The following P3H2 variants were observed in gnomAD, a reference collection of about 807,000 sequenced individuals.
P3H2 encodes leprecan-like 1.
P3H2 carries 80 observed loss-of-function variants against 87.0 expected under a neutral mutation model. The observed-to-expected ratio is 0.92, with a 90% CI of 0.77 to 1.11. P3H2 has a LOEUF of 1.11. Among genes scored for constraint, P3H2 ranks in the 50% least tolerant of loss-of-function variants. The pLI is 0.00. For synonymous variants in P3H2, 367 were observed against 359.3 expected, an observed-to-expected ratio of 1.02 and a Z score of -0.24; for missense variants, 1,001 against 923.9, an observed-to-expected ratio of 1.08 and a Z score of -1.08.
chr3:190,067,441 C>T (rs995933771), intron 1 of P3H2, among the ~76,000 whole-genome samples: 11 of 152,100 alleles, frequency 7.2e-5, no homozygotes, highest in Non-Finnish European at 1.2e-4. Context: ...TTCCCTCATA[C>T]ACCCCAAACA....
intron 1 of P3H2, among the ~76,000 whole-genome samples, chr3:190,109,291 TTCTC>T (rs1169608646): frequency 3.3e-5 from 5 of 152,158 alleles, no homozygotes; most frequent in Admixed American, 6.5e-5. Context: ...TTCCCTCCCT[TTCTC>T]TTTCTTTCTG....
At chr3:190,087,882 T>C (rs1023156048) in intron 1 of P3H2, among the ~76,000 whole-genome samples, 4 of 152,202 alleles carry the variant, frequency 2.6e-5, no homozygotes, top group Middle Eastern at 3.2e-3. Flanking sequence ...CTAAATGATC[T>C]CAAAGATGCC....
At chr3:190,005,747 G>C (rs1458060795) in intron 1 of P3H2, among the ~76,000 whole-genome samples, 2 of 152,198 alleles carry the variant, frequency 1.3e-5, no homozygotes, top group Admixed American at 1.3e-4. Context: ...GCAAAGGAAT[G>C]CATCGTGGCT....
intron 1 of P3H2, among the ~76,000 whole-genome samples, chr3:190,064,480 G>A (rs2108968715): frequency 6.6e-6 from 1 of 152,068 alleles, no homozygotes; most frequent in Non-Finnish European, 1.5e-5. Context: ...AAGTCGACAG[G>A]TTTAAGCAAG....
At chr3:190,033,028 G>A (rs975232937) in intron 1 of P3H2, among the ~76,000 whole-genome samples, 11 of 152,182 alleles carry the variant, frequency 7.2e-5, no homozygotes, top group African/African-American at 1.2e-4. Flanking sequence ...GTGGTGATGG[G>A]AGACAGTGAC....
At chr3:189,984,444 A>G (rs1366303451) in intron 7 of P3H2, 106 bp downstream of exon 7, 13 of 885,354 alleles carry the variant, frequency 1.5e-5, no homozygotes, top group Non-Finnish European at 1.5e-5. Flanking sequence ...GAATTATTTT[A>G]TTATATCTCC....
chr3:190,095,836 T>A (rs1180966835), intron 1 of P3H2, among the ~76,000 whole-genome samples: 2 of 152,004 alleles, frequency 1.3e-5, no homozygotes, highest in Non-Finnish European at 2.9e-5. Flanking sequence ...TCTCCTGACC[T>A]CGTGATTCGC....
At position 190,120,573 on chromosome 3, in the gene P3H2, G is replaced by A; in HGVS notation, c.159C>T (p.Ala53=). 6.5e-7 allele frequency: 1 copy of A among 1,540,016 alleles called. No individual in the cohort carries two copies. The highest frequency in any genetic ancestry group is 8.7e-7 in the Non-Finnish European group (1 of 1,153,234). Residue 53 remains alanine (A), a synonymous_variant, in exon 1 of 15, where the codon GCC becomes GCT. Coordinates refer to ENST00000319332, the MANE Select transcript of P3H2 (RefSeq NM_018192.4). ...PFDLLYASGA[A]AYYSGDYERA... is the part of the protein sequence containing the mutation. The stretch of plus-strand genomic sequence containing the variant: ...GCTCGTAGTCTCCGCTGTAGTAGGC[G>A]GCCGCGCCGCTGGCGTAGAGCAGGT...
intron 1 of P3H2, among the ~76,000 whole-genome samples, chr3:190,110,930 G>C (rs562662804): frequency 7.2e-5 from 11 of 152,282 alleles, no homozygotes; most frequent in Non-Finnish European, 1.5e-4. Context: ...GCAATCCCCA[G>C]AAGTTTCCTG....
chr3:190,120,175 C>A, intron 1 of P3H2, 77 bp downstream of exon 1: 1 of 1,512,680 alleles, frequency 6.6e-7, no homozygotes. Context: ...ACAGAGATGA[C>A]GGGGGCAGCA....
intron 12 of P3H2, 34 bp downstream of exon 12, chr3:189,971,856 A>C: frequency 1.1e-4 from 135 of 1,194,308 alleles, no homozygotes; most frequent in Non-Finnish European, 1.6e-4. Context: ...ACTGTTAGGT[A>C]AAAGCTTTGT....
At chr3:190,071,723 C>T (rs568727549) in intron 1 of P3H2, among the ~76,000 whole-genome samples, 1 of 152,096 alleles carries the variant, frequency 6.6e-6, no homozygotes, top group Non-Finnish European at 1.5e-5. Context: ...AAGAACATTT[C>T]TTTTTAGTAT....
At chr3:190,018,502 GT>G (rs1410533347) in intron 1 of P3H2, among the ~76,000 whole-genome samples, 1 of 151,904 alleles carries the variant, frequency 6.6e-6, no homozygotes, top group Non-Finnish European at 1.5e-5. Flanking sequence ...GAGGCGAGCA[GT>G]TTGAGACCAG....
chr3:189,967,495 GTC>G (rs1490555696), intron 13 of P3H2, among the ~76,000 whole-genome samples: 2 of 148,852 alleles, frequency 1.3e-5, no homozygotes. Flanking sequence ...TCAACCACCT[GTC>G]TGACTTTCTT....
chr3:190,060,193 G>C (rs1263505449), intron 1 of P3H2, among the ~76,000 whole-genome samples: 1 of 152,086 alleles, frequency 6.6e-6, no homozygotes, highest in African/African-American at 2.4e-5. Context: ...CTGCTTTGGA[G>C]GTTCCTAAAA....
chr3:189,973,223 A>G (rs1723231589), intron 10 of P3H2, 199 bp from the exon 11 acceptor site: 1 of 580,888 alleles, frequency 1.7e-6, no homozygotes, highest in Admixed American at 3.0e-5. Flanking sequence ...ATGGAAAGCT[A>G]AAAGCTACTT....
chr3:189,961,999 TA>T (rs958308645), intron 14 of P3H2, among the ~76,000 whole-genome samples: 16 of 150,728 alleles, frequency 1.1e-4, no homozygotes, highest in South Asian at 4.2e-4. Context: ...TTCCTTAGTT[TA>T]AAAAAAAATG....
intron 1 of P3H2, among the ~76,000 whole-genome samples, chr3:190,105,643 T>C (rs150926301): frequency 5.8e-4 from 89 of 152,346 alleles, no homozygotes; most frequent in Non-Finnish European, 9.8e-4. Context: ...CTGTAAACTT[T>C]TAAACTAATT....
chr3:190,094,813 G>T (rs1577320799), intron 1 of P3H2, among the ~76,000 whole-genome samples: 1 of 152,294 alleles, frequency 6.6e-6, no homozygotes, highest in African/African-American at 2.4e-5. Flanking sequence ...TTCTTCACTA[G>T]AAGACAAAAG....
Sources: allele counts gnomAD v4.1 joint callset (sites outside exome capture counted in the v4.1 genomes callset), GRCh38; gene constraint gnomAD v4.1.1; transcripts MANE v1.5; gene names NCBI Gene and HGNC (gene_info 2026-07-23, HGNC 2026-07-21).